The following FAM78B variants were observed in gnomAD, a reference collection of about 807,000 sequenced individuals.
The protein encoded by FAM78B is protein FAM78B.
A neutral mutation model predicts 20.0 loss-of-function variants in FAM78B; 10 were observed. That is an observed-to-expected ratio of 0.50 (90% confidence interval 0.31 to 0.85). The LOEUF is 0.85. FAM78B is among the 40% of genes least tolerant of loss of function. FAM78B has a pLI of 0.05. For missense variants in FAM78B, 283 were observed against 345.0 expected (o/e 0.82, Z 1.42); for synonymous variants, 135 against 132.8 (o/e 1.02, Z -0.12).
chr1:166,159,327 G>A (rs1261553783), intron 1 of FAM78B, among the ~76,000 whole-genome samples: 3 of 152,092 alleles, frequency 2.0e-5, no homozygotes, highest in South Asian at 4.2e-4. Context: ...CCTCAGGCAG[G>A]TTACCCAACC....
intron 1 of FAM78B, among the ~76,000 whole-genome samples, chr1:166,162,904 T>C (rs552833135): frequency 4.3e-4 from 66 of 152,322 alleles, no homozygotes; most frequent in Admixed American, 5.9e-4. Context: ...CCTCCTTGCC[T>C]ACCTGAATAT....
chr1:166,129,239 G>A (rs1043309841), intron 1 of FAM78B, among the ~76,000 whole-genome samples: 1 of 152,204 alleles, frequency 6.6e-6, no homozygotes, highest in Non-Finnish European at 1.5e-5. Flanking sequence ...TTAGGAAAAA[G>A]CAGCATATGG....
intron 1 of FAM78B, among the ~76,000 whole-genome samples, chr1:166,112,023 GCTGTGTCCTTCC>G (rs1557904315): frequency 1.3e-5 from 2 of 152,176 alleles, no homozygotes; most frequent in Non-Finnish European, 2.9e-5. Context: ...ATGACTCAGT[GCTGTGTCCTTCC>G]CTGGCTATAA....
In FAM78B at chr1:166,154,646, G is replaced by T. The variant is rs1315218157; in HGVS notation, c.263+11340C>A. 8.1e-6 allele frequency: 4 copies of T among 496,148 alleles called. 1 individual carries two copies. The highest frequency in any genetic ancestry group is 1.5e-5 in the South Asian group (1 of 65,794). 30.7% of individuals were successfully genotyped at this position (496,148 alleles called of 1,614,324 possible). On this transcript the variant is annotated intron_variant, in intron 1 of 1. Coordinates refer to ENST00000354422, the MANE Select transcript of FAM78B (RefSeq NM_001017961.5). ...TCAGCAAACCTGGCTGGGGGGCAGGGGCAGGCAGTGATGAAAAAACAGGGG... is the reference window on the plus strand; with the variant it reads ...TCAGCAAACCTGGCTGGGGGGCAGGTGCAGGCAGTGATGAAAAAACAGGGG...
At position 166,060,622 on chromosome 1, in the gene FAM78B, T is replaced by C. The variant is rs571753030; in HGVS notation, c.*451A>G. ...ACTTCCTCCTTCTCAGTCTCTGCCA[T>C]GTGGTTGTGCTTGCTGGGCTTTCCT... On this transcript the variant is annotated 3_prime_UTR_variant and NMD_transcript_variant, in exon 3 of 3. Coordinates refer to the FAM78B transcript ENST00000435676. 36 of 1,289,088 alleles carry C rather than the reference T, an allele frequency of 2.8e-5. No individual in the cohort carries two copies. In the African/African-American group the frequency reaches 4.5e-4, roughly 16 times the overall value. 79.9% of individuals were successfully genotyped at this position (1,289,088 alleles called of 1,614,324 possible). A position where few individuals can be genotyped will look rare whatever the true frequency, so the allele number is the denominator to read the frequency against.
At chr1:166,124,858 G>C (rs1412134917) in intron 1 of FAM78B, among the ~76,000 whole-genome samples, 1 of 152,204 alleles carries the variant, frequency 6.6e-6, no homozygotes, top group Non-Finnish European at 1.5e-5. Context: ...GGAGTCACTG[G>C]AGTCAGTCCC....
intron 1 of FAM78B, among the ~76,000 whole-genome samples, chr1:166,081,745 G>A (rs1652588415): frequency 6.6e-6 from 1 of 152,178 alleles, no homozygotes; most frequent in African/African-American, 2.4e-5. Flanking sequence ...GTGCCAAGAG[G>A]AAGCAGAGGA....
intron 1 of FAM78B, among the ~76,000 whole-genome samples, chr1:166,083,798 G>C (rs1237836663): frequency 1.5e-5 from 1 of 67,788 alleles, no homozygotes. Flanking sequence ...CACGCACCCA[G>C]CTTTTTTTTT....
chr1:166,113,120 C>T (rs1324476738), intron 1 of FAM78B, among the ~76,000 whole-genome samples: 1 of 152,226 alleles, frequency 6.6e-6, no homozygotes, highest in Non-Finnish European at 1.5e-5. Flanking sequence ...CCAGACCCTG[C>T]ACATGCTGTC....
intron 1 of FAM78B, among the ~76,000 whole-genome samples, chr1:166,156,728 T>TC (rs1655911187): frequency 6.6e-6 from 1 of 152,006 alleles, no homozygotes; most frequent in East Asian, 1.9e-4. Context: ...GGTCTCACTG[T>TC]CCCCCTAAGG....
intron 1 of FAM78B, among the ~76,000 whole-genome samples, chr1:166,128,136 G>T (rs1364776916): frequency 1.3e-5 from 2 of 152,168 alleles, no homozygotes; most frequent in Non-Finnish European, 2.9e-5. Context: ...GCCAACAAAA[G>T]TAATTCTGAC....
chr1:166,144,139 A>G (rs1655375553), intron 1 of FAM78B, among the ~76,000 whole-genome samples: 1 of 152,168 alleles, frequency 6.6e-6, no homozygotes, highest in African/African-American at 2.4e-5. Flanking sequence ...CCAGGGATGA[A>G]GGGCTTGGTG....
intron 1 of FAM78B, among the ~76,000 whole-genome samples, chr1:166,153,179 T>C (rs73046939): frequency 0.018 from 2,763 of 152,186 alleles, 89 homozygotes; most frequent in African/African-American, 0.063. Context: ...GAAGGGTGAA[T>C]GGTTCTGCTC....
At chr1:166,102,732 G>C (rs1237397205) in intron 1 of FAM78B, among the ~76,000 whole-genome samples, 1 of 152,152 alleles carries the variant, frequency 6.6e-6, no homozygotes, top group Non-Finnish European at 1.5e-5. Flanking sequence ...CCTACAAAGA[G>C]ACTTAGACTC....
At chr1:166,069,135 G>A (rs10918334), downstream of FAM78B, among the ~76,000 whole-genome samples, 6,774 of 152,192 alleles carry the variant, frequency 0.045, 437 homozygotes, top group African/African-American at 0.15. Context: ...AATATACAGC[G>A]TATGTACATA....
At chr1:166,084,231 ACACACACTCTCTCT>A (rs1178080996) in intron 1 of FAM78B, among the ~76,000 whole-genome samples, 45 of 128,736 alleles carry the variant, frequency 3.5e-4, no homozygotes, top group African/African-American at 1.2e-3. Flanking sequence ...ACACACACAC[ACACACACTCTCTCT>A]CTCTCTCTCT....
At chr1:166,143,998 C>T (rs1281924031) in intron 1 of FAM78B, among the ~76,000 whole-genome samples, 2 of 152,094 alleles carry the variant, frequency 1.3e-5, no homozygotes, top group African/African-American at 2.4e-5. Context: ...ACTGCTAACA[C>T]ATCTGATGAC....
chr1:166,062,863 T>C (rs1406429343), intron 2 of FAM78B, among the ~76,000 whole-genome samples: 1 of 152,260 alleles, frequency 6.6e-6, no homozygotes, highest in African/African-American at 2.4e-5. Context: ...GTGTGGAATA[T>C]TCTAATTGAA....
intron 1 of FAM78B, chr1:166,154,799 T>C (rs1021596420): frequency 2.5e-5 from 12 of 484,288 alleles, no homozygotes; most frequent in Middle Eastern, 3.2e-4. Flanking sequence ...CCTCACTAGT[T>C]GTGGCACTGC....
Sources: gnomAD v4.1 joint callset for allele counts (sites outside exome capture counted in the v4.1 genomes callset) on GRCh38, gnomAD v4.1.1 for gene constraint, MANE v1.5 for transcripts, NCBI Gene and HGNC (gene_info 2026-07-23, HGNC 2026-07-21) for gene names.